ZNRF3: variants seen among roughly 807,000 people sequenced by gnomAD.
ZNRF3 encodes the protein zinc and ring finger 3, also known as E3 ubiquitin-protein ligase ZNRF3.
In ZNRF3, 23 loss-of-function variants were observed where a neutral mutation model predicts 72.5. That is an observed-to-expected ratio of 0.32 (90% CI 0.23 to 0.45). The LOEUF is 0.45. Ranked by LOEUF, ZNRF3 falls within the 20% of genes least tolerant of loss-of-function variation. The pLI is 1.00. For synonymous variants in ZNRF3, 610 were observed against 545.3 expected (o/e 1.12, Z -1.65); for missense variants, 1,169 against 1,272.1 (o/e 0.92, Z 1.23).
chr22:29,023,074 T>C (rs5997432), intron 2 of ZNRF3, among the ~76,000 whole-genome samples: 85,703 of 152,020 alleles, frequency 0.56, 24,474 homozygotes, highest in African/African-American at 0.64. Flanking sequence ...GGCTTCAAAT[T>C]TCCTGGTACA....
Position 29,043,548 on chromosome 22 carries a change from C to T in ZNRF3, c.633+118C>T, listed in dbSNP as rs117423049. ...TGAAATGCTGGCATACCCCAGGTTC[C>T]TGCAGGCTTAGATCAGCTATTGGAC... On this transcript the variant is annotated intron_variant, in intron 4 of 8. Coordinates refer to ENST00000544604, the MANE Select transcript of ZNRF3 (RefSeq NM_001206998.2). 1,238 of 1,331,336 alleles carry T rather than the reference C, an allele frequency of 9.3e-4. 16 individuals carry two copies. In the East Asian group the frequency reaches 0.026, roughly 28 times the overall value. 82.5% of individuals were successfully genotyped at this position (1,331,336 alleles called of 1,614,324 possible). A position where few individuals can be genotyped will look rare whatever the true frequency, so the allele number is the denominator to read the frequency against.
chr22:28,966,072 A>G lies in ZNRF3; in HGVS notation c.301-21004A>G, dbSNP rs1027563245. 3.4e-4 allele frequency among the ~76,000 whole-genome samples: 52 copies of G among 152,066 alleles called. 1 individual carries two copies. Among genetic ancestry groups the G allele is most frequent in the Middle Eastern group, 6.9e-3 (2 of 288 alleles). ...CCTACATTGCAAGCAAACTCCACCC[A>G]CTCCATAAATTGGTGATTTTCCCGC... On this transcript the variant is annotated intron_variant, in intron 1 of 8. Coordinates refer to ENST00000544604, the MANE Select transcript of ZNRF3 (RefSeq NM_001206998.2).
chr22:28,901,784 G>A (rs765451160), intron 1 of ZNRF3, among the ~76,000 whole-genome samples: 1 of 148,676 alleles, frequency 6.7e-6, no homozygotes, highest in Admixed American at 6.6e-5. Flanking sequence ...ACGATTACAC[G>A]TGCGCAATAC....
intron 1 of ZNRF3, among the ~76,000 whole-genome samples, chr22:28,901,635 C>CTTTTTTT (rs132532): frequency 1.3e-5 from 1 of 74,816 alleles, no homozygotes; most frequent in Non-Finnish European, 2.7e-5. Context: ...ATGGATGGAC[C>CTTTTTTT]TTTTTTTTTT....
chr22:28,924,685 T>C (rs1488592166), intron 1 of ZNRF3, among the ~76,000 whole-genome samples: 2 of 152,108 alleles, frequency 1.3e-5, no homozygotes, highest in Non-Finnish European at 2.9e-5. Flanking sequence ...TACAGTGAAC[T>C]ATGATTGCAT....
At chr22:28,920,135 AT>A (rs57977785) in intron 1 of ZNRF3, among the ~76,000 whole-genome samples, 7 of 145,828 alleles carry the variant, frequency 4.8e-5, no homozygotes, top group Non-Finnish European at 7.6e-5. Flanking sequence ...ATGCCCAGCT[AT>A]TTTTTTTTTG....
rs1484356189 is a variant in ZNRF3 at position 29,055,451 on chromosome 22, G to A, written c.*1829G>A. The A allele has an allele frequency of 6.6e-6, 1 of 152,210 alleles. No homozygotes were observed. Among genetic ancestry groups the A allele is most frequent in the African/African-American group, 2.4e-5 (1 of 41,436 alleles). 9.4% of individuals were successfully genotyped at this position (152,210 alleles called of 1,614,324 possible). ...TATCAGAATGTTTTTCTTAACCTCA[G>A]CGTATGATGAGGAAATTTACTTATC... On this transcript the variant is annotated 3_prime_UTR_variant, in exon 9 of 9. Transcript: ENST00000544604.
At chr22:28,982,493 G>A (rs1377680982) in intron 1 of ZNRF3, among the ~76,000 whole-genome samples, 1 of 150,802 alleles carries the variant, frequency 6.6e-6, no homozygotes, top group African/African-American at 2.4e-5. Context: ...TTGAGCCTAG[G>A]GGGTCGAGGT....
At chr22:28,928,805 CTT>C (rs1443420019) in intron 1 of ZNRF3, among the ~76,000 whole-genome samples, 4 of 152,068 alleles carry the variant, frequency 2.6e-5, no homozygotes, top group Non-Finnish European at 5.9e-5. Context: ...CCAGAAATGT[CTT>C]TTATAGATGG....
intron 2 of ZNRF3, among the ~76,000 whole-genome samples, chr22:29,017,333 G>A (rs2036455452): frequency 6.6e-6 from 1 of 152,162 alleles, no homozygotes; most frequent in Non-Finnish European, 1.5e-5. Context: ...TGTCCAGTCT[G>A]CCACGGCGCC....
At chr22:28,904,160 T>G (rs575210494) in intron 1 of ZNRF3, among the ~76,000 whole-genome samples, 2 of 152,308 alleles carry the variant, frequency 1.3e-5, no homozygotes, top group African/African-American at 4.8e-5. Flanking sequence ...TGGCTCCTCT[T>G]CACTCGGCCT....
At chr22:28,925,190 G>T (rs759320018) in intron 1 of ZNRF3, among the ~76,000 whole-genome samples, 2 of 152,160 alleles carry the variant, frequency 1.3e-5, no homozygotes, top group Non-Finnish European at 2.9e-5. Flanking sequence ...GGATGCTGAG[G>T]TCCTTCCCAA....
chr22:28,959,317 C>T (rs1046907027), intron 1 of ZNRF3, among the ~76,000 whole-genome samples: 5 of 152,194 alleles, frequency 3.3e-5, no homozygotes, highest in African/African-American at 1.2e-4. Context: ...AGCTGCTGCG[C>T]CTCCTCTCCT....
intron 5 of ZNRF3, among the ~76,000 whole-genome samples, chr22:29,046,460 A>G (rs1170194713): frequency 6.6e-6 from 1 of 152,176 alleles, no homozygotes; most frequent in Admixed American, 6.5e-5. Context: ...TAATTGGAGG[A>G]GACCCCTGCC....
chr22:28,899,652 T>A (rs948175955), intron 1 of ZNRF3, among the ~76,000 whole-genome samples: 1 of 152,038 alleles, frequency 6.6e-6, no homozygotes, highest in East Asian at 1.9e-4. Flanking sequence ...TGTGCTCAGA[T>A]AGCATGAGTT....
intron 1 of ZNRF3, among the ~76,000 whole-genome samples, chr22:28,970,744 C>G (rs1169152875): frequency 6.6e-6 from 1 of 152,158 alleles, no homozygotes; most frequent in Non-Finnish European, 1.5e-5. Flanking sequence ...AGGGTTCTTC[C>G]CTTCCCCCCA....
chr22:28,995,468 A>C (rs1406993315), intron 2 of ZNRF3, among the ~76,000 whole-genome samples: 1 of 152,176 alleles, frequency 6.6e-6, no homozygotes, highest in African/African-American at 2.4e-5. Flanking sequence ...GAATTTCTTC[A>C]CTAAATATTA....
chr22:28,967,925 CAAAAAAAAAA>C (rs371787941), intron 1 of ZNRF3, among the ~76,000 whole-genome samples: 1 of 70,620 alleles, frequency 1.4e-5, no homozygotes, highest in Admixed American at 1.6e-4. Context: ...CACCGTGTCT[CAAAAAAAAAA>C]AAAAAAAAGA....
intron 1 of ZNRF3, among the ~76,000 whole-genome samples, chr22:28,912,029 CATTAA>C (rs912199504): frequency 6.6e-6 from 1 of 152,186 alleles, no homozygotes; most frequent in Non-Finnish European, 1.5e-5. Flanking sequence ...AGGGCCCGGC[CATTAA>C]ATTCTTCTGA....
Sources: gnomAD v4.1 joint callset for allele counts (sites outside exome capture counted in the v4.1 genomes callset) on GRCh38, gnomAD v4.1.1 for gene constraint, MANE v1.5 for transcripts, NCBI Gene and HGNC (gene_info 2026-07-23, HGNC 2026-07-21) for gene names.